Variants in NEURL1 observed in about 807,000 individuals in gnomAD.
NEURL1 encodes E3 ubiquitin-protein ligase NEURL1.
In NEURL1, 26 loss-of-function variants were observed where a neutral mutation model predicts 41.2. That is an observed-to-expected ratio of 0.63 (90% CI 0.46 to 0.87). The LOEUF is 0.87. Ranked by LOEUF, NEURL1 falls within the 40% of genes least tolerant of loss-of-function variation. The probability of loss-of-function intolerance (pLI) is 0.00; values close to 1 mark genes in which losing one functional copy is unlikely to be tolerated. For synonymous variants in NEURL1, 400 were observed against 402.3 expected (o/e 0.99, Z 0.07); for missense variants, 761 against 871.1 (o/e 0.87, Z 1.59).
At chr10:103,542,376 C>T (rs764328338) in intron 1 of NEURL1, among the ~76,000 whole-genome samples, 13 of 152,214 alleles carry the variant, frequency 8.5e-5, no homozygotes, top group Non-Finnish European at 1.3e-4. Context: ...CCTCTCATCT[C>T]AGCCTTCCAA....
intron 1 of NEURL1, among the ~76,000 whole-genome samples, chr10:103,521,457 C>T (rs1284433031): frequency 2.0e-5 from 3 of 152,132 alleles, no homozygotes; most frequent in East Asian, 3.8e-4. Context: ...GGGCAAATCC[C>T]CGAGCTTGAT....
chr10:103,590,605 C>T lies in NEURL1; in HGVS notation c.*233C>T, dbSNP rs1014889531. The T allele has an allele frequency of 1.4e-5, 8 of 567,242 alleles. No individual in the cohort carries two copies. The highest frequency in any genetic ancestry group is 2.2e-5 in the Non-Finnish European group (7 of 316,476). The allele number at this position is 567,242 out of a possible 1,614,324, so 35.1% of individuals were successfully genotyped here. On this transcript the variant is annotated 3_prime_UTR_variant, in exon 6 of 6. Transcript: ENST00000369780. Reference sequence around the variant, plus strand: ...GGGGAGGAGAGGAGGCCGCACTCTCCCTGTCTCTCCCGTCTCTGCACCCAG... The same window carrying T: ...GGGGAGGAGAGGAGGCCGCACTCTCTCTGTCTCTCCCGTCTCTGCACCCAG...
At chr10:103,583,008 G>A (rs1189576883) in intron 3 of NEURL1, among the ~76,000 whole-genome samples, 1 of 152,134 alleles carries the variant, frequency 6.6e-6, no homozygotes, top group South Asian at 2.1e-4. Flanking sequence ...ACACTTCCAC[G>A]GGCTGCCGTA....
intron 1 of NEURL1, among the ~76,000 whole-genome samples, chr10:103,496,299 T>C (rs1214281987): frequency 6.6e-6 from 1 of 152,202 alleles, no homozygotes; most frequent in Non-Finnish European, 1.5e-5. Context: ...TAGAGTACTA[T>C]GCAGTGATTA....
At chr10:103,570,069 C>A (rs2035506667) in intron 1 of NEURL1, among the ~76,000 whole-genome samples, 2 of 152,220 alleles carry the variant, frequency 1.3e-5, no homozygotes, top group African/African-American at 4.8e-5. Flanking sequence ...CTCTTTGCAT[C>A]ATTAAATTCC....
intron 3 of NEURL1, among the ~76,000 whole-genome samples, chr10:103,584,124 A>C (rs1205180847): frequency 2.6e-5 from 4 of 152,134 alleles, no homozygotes; most frequent in Non-Finnish European, 5.9e-5. Flanking sequence ...TCGTCAGTGC[A>C]CTCGACAGAC....
At chr10:103,518,986 T>A (rs934763162) in intron 1 of NEURL1, among the ~76,000 whole-genome samples, 1 of 152,226 alleles carries the variant, frequency 6.6e-6, no homozygotes, top group African/African-American at 2.4e-5. Flanking sequence ...GTCTCATGCC[T>A]ATAATCCCAG....
At chr10:103,582,230 G>T (rs549232775) in intron 3 of NEURL1, among the ~76,000 whole-genome samples, 29 of 152,194 alleles carry the variant, frequency 1.9e-4, no homozygotes, top group African/African-American at 6.5e-4. Flanking sequence ...AGTTCCCAAG[G>T]GTCAGTGCCT....
In NEURL1 at chr10:103,558,216, T is replaced by C. The variant is rs2035200179; in HGVS notation, c.86-12656T>C. The C allele has an allele frequency of 1.0e-6, 1 of 985,414 alleles. No individual in the cohort carries two copies. Among genetic ancestry groups the C allele is most frequent in the Non-Finnish European group, 1.2e-6 (1 of 829,994 alleles). 61.0% of individuals were successfully genotyped at this position (985,414 alleles called of 1,614,324 possible). ...TTAGGGCCTTGGACTTTCGGCTTGA[T>C]TCGGGCCAAACATTTTGGATTGCTG... On this transcript the variant is annotated intron_variant, in intron 1 of 5. Transcript: ENST00000369780. This position sits in a 1 kb window ranked among gnomAD's most constrained non-coding sequence, Gnocchi z 4.2.
intron 1 of NEURL1, among the ~76,000 whole-genome samples, chr10:103,512,947 C>T (rs1033140645): frequency 3.3e-5 from 5 of 152,074 alleles, no homozygotes; most frequent in Non-Finnish European, 7.4e-5. Flanking sequence ...AGGGTCTTCT[C>T]GTCTCTGGCT....
In NEURL1 at chr10:103,509,552, A is replaced by G. The variant is rs543717347; in HGVS notation, c.85+15080A>G. On this transcript the variant is annotated intron_variant, in intron 1 of 5. Transcript: ENST00000369780. ...GCACGATGATGTTATCATGGCTACGACATCACTGGGTGATAGGAATTTTTC... is the reference window on the plus strand; with the variant it reads ...GCACGATGATGTTATCATGGCTACGGCATCACTGGGTGATAGGAATTTTTC... 2.0e-5 allele frequency among the ~76,000 whole-genome samples: 3 copies of G among 152,342 alleles called. No homozygotes were observed. The South Asian group carries it at 6.2e-4, about 32-fold the overall frequency.
At position 103,558,376 on chromosome 10, in the gene NEURL1, G is replaced by GT; in HGVS notation, c.86-12495dup. 8 of 363,218 alleles carry GT rather than the reference G, an allele frequency of 2.2e-5. No individual in the cohort carries two copies. The highest frequency in any genetic ancestry group is 3.1e-5 in the Non-Finnish European group (8 of 261,182). 22.5% of individuals were successfully genotyped at this position (363,218 alleles called of 1,614,324 possible). Reference sequence around the variant, plus strand: ...TTCTGATGTCAACAGATGTGTATCTGTGTTTTAGATCTCTGTGTACCTGTG... The same window carrying GT: ...TTCTGATGTCAACAGATGTGTATCTGTTGTTTTAGATCTCTGTGTACCTGTG... On this transcript the variant is annotated intron_variant, in intron 1 of 5. Transcript: ENST00000369780. The surrounding 1 kb of genome is among the most constrained non-coding windows in gnomAD (Gnocchi z 4.2).
chr10:103,558,598 G>A lies in NEURL1; in HGVS notation c.86-12274G>A, dbSNP rs1369860633. Among the ~76,000 whole-genome samples, 1 of 151,892 alleles carries A rather than the reference G, an allele frequency of 6.6e-6. No individual in the cohort carries two copies. Among genetic ancestry groups the A allele is most frequent in the Non-Finnish European group, 1.5e-5 (1 of 67,984 alleles). On this transcript the variant is annotated intron_variant, in intron 1 of 5. Transcript: ENST00000369780. The surrounding 1 kb of genome is among the most constrained non-coding windows in gnomAD (Gnocchi z 4.2). ...GGCTCCTCTGGGACCAGCCTGGCAG[G>A]AGACCCATGGGGAAATGAATTCCCA...
chr10:103,565,278 C>T (rs1170950816), intron 1 of NEURL1, among the ~76,000 whole-genome samples: 2 of 152,124 alleles, frequency 1.3e-5, no homozygotes, highest in Non-Finnish European at 2.9e-5. Flanking sequence ...AAGTGGTCTC[C>T]CCAGAGGTGG....
At chr10:103,555,422 C>T (rs1444200515) in intron 1 of NEURL1, 1 of 1,357,254 alleles carries the variant, frequency 7.4e-7, no homozygotes, top group South Asian at 1.2e-5. Context: ...CGGTAAGGCC[C>T]CGCGGATGCC....
chr10:103,554,461 G>A (rs2035102886), intron 1 of NEURL1, among the ~76,000 whole-genome samples: 1 of 152,174 alleles, frequency 6.6e-6, no homozygotes, highest in Non-Finnish European at 1.5e-5. Flanking sequence ...CTGTGTTGGG[G>A]TGTGTGGTGT....
chr10:103,539,540 G>A (rs947646231), intron 1 of NEURL1, among the ~76,000 whole-genome samples: 2 of 152,108 alleles, frequency 1.3e-5, no homozygotes, highest in Admixed American at 6.5e-5. Flanking sequence ...GGGACAACAC[G>A]GCTTCTCATT....
At chr10:103,528,217 G>T (rs899465922) in intron 1 of NEURL1, among the ~76,000 whole-genome samples, 1 of 152,238 alleles carries the variant, frequency 6.6e-6, no homozygotes, top group Non-Finnish European at 1.5e-5. Flanking sequence ...TTAGCTGGGC[G>T]TGGTGGCAGG....
rs1426785894 is a variant in NEURL1, at chr10:103,543,199, G to A, written c.86-27673G>A. ...GTGGGGTGGCTGGGGGCAGGCAGAT[G>A]CTCTTCTGCTGCCTCCAGGGAAGAT... On this transcript the variant is annotated intron_variant, in intron 1 of 5. Transcript: ENST00000369780. Among the ~76,000 whole-genome samples, 12 of 152,294 alleles carry A rather than the reference G, an allele frequency of 7.9e-5. No individual in the cohort carries two copies. In the South Asian group the frequency reaches 2.5e-3, roughly 32 times the overall value.
Sources: gnomAD v4.1 joint callset for allele counts (sites outside exome capture counted in the v4.1 genomes callset) on GRCh38, gnomAD v4.1.1 for gene constraint, Gnocchi (gnomAD v3.1) non-coding constraint, MANE v1.5 for transcripts, NCBI Gene and HGNC (gene_info 2026-07-23, HGNC 2026-07-21) for gene names.